The following GRIA1 variants were observed in gnomAD, a reference collection of about 807,000 sequenced individuals.
GRIA1 encodes glutamate ionotropic receptor AMPA type subunit 1, also known as glutamate receptor 1.
GRIA1 carries 31 observed loss-of-function variants against 99.2 expected under a neutral mutation model. The observed-to-expected ratio is 0.31, with a 90% confidence interval of 0.23 to 0.42. GRIA1 has a LOEUF of 0.42. GRIA1 is among the 10% of genes least tolerant of loss of function. The pLI is 1.00. For synonymous variants in GRIA1, 438 were observed against 432.4 expected, an observed-to-expected ratio of 1.01 and a Z score of -0.16; for missense variants, 782 against 1,157.5, an observed-to-expected ratio of 0.68 and a Z score of 4.71.
chr5:153,593,131 G>A (rs942996390), intron 2 of GRIA1, among the ~76,000 whole-genome samples: 12 of 152,154 alleles, frequency 7.9e-5, no homozygotes, highest in Non-Finnish European at 1.5e-5. Context: ...GCCTGGCTTG[G>A]TAACACATGC....
Position 153,493,958 on chromosome 5 carries a change from A to G in GRIA1, c.113A>G (p.Glu38Gly). Reference sequence around the variant, plus strand: ...TTATTTCCAAACCAGCAGTCACAGGAACATGCTGCTTTTAGATTTGCTTTG... The same window carrying G: ...TTATTTCCAAACCAGCAGTCACAGGGACATGCTGCTTTTAGATTTGCTTTG... ...GGLFPNQQSQ[E>G]HAAFRFALSQ... Residue 38 changes from glutamate to glycine, a missense_variant, in exon 2 of 16, where the codon GAA becomes GGA. Transcript: ENST00000285900. 2 of 1,614,078 alleles carry G rather than the reference A, an allele frequency of 1.2e-6. No individual in the cohort carries two copies. The highest frequency in any genetic ancestry group is 1.7e-6 in the Non-Finnish European group (2 of 1,179,938).
chr5:153,603,337 G>A (rs1366022298), intron 2 of GRIA1, among the ~76,000 whole-genome samples: 1 of 151,934 alleles, frequency 6.6e-6, no homozygotes, highest in Non-Finnish European at 1.5e-5. Flanking sequence ...GGACATTTGG[G>A]TTGGTTCCAA....
At chr5:153,760,191 C>T (rs1287261955) in intron 11 of GRIA1, among the ~76,000 whole-genome samples, 1 of 151,958 alleles carries the variant, frequency 6.6e-6, no homozygotes, top group Non-Finnish European at 1.5e-5. Flanking sequence ...GAAGTCCTAG[C>T]CTGAGCAATC....
intron 15 of GRIA1, among the ~76,000 whole-genome samples, chr5:153,807,585 G>A (rs952349721): frequency 1.3e-5 from 2 of 152,222 alleles, no homozygotes; most frequent in Non-Finnish European, 2.9e-5. Context: ...GGGGAAGAAG[G>A]CCAAGGAGAC....
chr5:153,641,221 G>T (rs1486203428), intron 2 of GRIA1, among the ~76,000 whole-genome samples: 2 of 152,094 alleles, frequency 1.3e-5, no homozygotes, highest in East Asian at 3.9e-4. Flanking sequence ...TTTACAATGA[G>T]GCTGCCACAT....
At chr5:153,648,045 G>A (rs1217295452) in intron 3 of GRIA1, among the ~76,000 whole-genome samples, 2 of 152,118 alleles carry the variant, frequency 1.3e-5, no homozygotes, top group African/African-American at 4.8e-5. Flanking sequence ...ACAAATAAAT[G>A]GGTCACGCAA....
At chr5:153,570,512 AATT>A (rs1457731662) in intron 2 of GRIA1, among the ~76,000 whole-genome samples, 2 of 152,198 alleles carry the variant, frequency 1.3e-5, no homozygotes, top group Non-Finnish European at 2.9e-5. Flanking sequence ...TTGAGGTGGC[AATT>A]ATTTTCTTGC....
chr5:153,532,392 T>C (rs1758172143), intron 2 of GRIA1, among the ~76,000 whole-genome samples: 3 of 152,214 alleles, frequency 2.0e-5, no homozygotes, highest in South Asian at 4.1e-4. Context: ...CTTGTTGTGA[T>C]TTAATATCTG....
At chr5:153,646,289 AGGGCT>A (rs10604138) in intron 2 of GRIA1, among the ~76,000 whole-genome samples, 82,825 of 151,466 alleles carry the variant, frequency 0.55, 23,339 homozygotes, top group Non-Finnish European at 0.59. Flanking sequence ...CTGAGAGTTA[AGGGCT>A]GGGCTAGACT....
rs763967433 is a variant in GRIA1 at position 153,686,275 on chromosome 5, C to T, written c.1080C>T (p.Arg360=). 6.2e-7 allele frequency: 1 copy of T among 1,613,884 alleles called. No individual in the cohort carries two copies. The highest frequency in any genetic ancestry group is 8.5e-7 in the Non-Finnish European group (1 of 1,179,898). Residue 360 remains arginine (R), a synonymous_variant, in exon 8 of 16, where the codon CGC becomes CGT. Transcript: ENST00000285900. ...TGNVQFNEKG[R]RTNYTLHVIE... is the part of the protein sequence containing the mutation. ...ACGTGCAGTTTAATGAGAAAGGACG[C>T]CGGACCAACTACACGCTCCACGTGA...
At chr5:153,780,841 C>A (rs1386196247) in intron 13 of GRIA1, among the ~76,000 whole-genome samples, 2 of 152,174 alleles carry the variant, frequency 1.3e-5, no homozygotes, top group African/African-American at 4.8e-5. Context: ...GTGGCAATTA[C>A]CTTCTCTGGG....
At chr5:153,808,886 C>T (rs970601865) in intron 15 of GRIA1, among the ~76,000 whole-genome samples, 9 of 152,190 alleles carry the variant, frequency 5.9e-5, no homozygotes, top group Non-Finnish European at 8.8e-5. Context: ...ATGTGACCTT[C>T]GAGATTTTTA....
At chr5:153,786,105 T>G (rs914129787) in intron 13 of GRIA1, among the ~76,000 whole-genome samples, 2 of 152,188 alleles carry the variant, frequency 1.3e-5, no homozygotes, top group African/African-American at 2.4e-5. Context: ...GATATACATT[T>G]GCTTAGAACT....
At position 153,699,038 on chromosome 5, in the gene GRIA1, G is replaced by A; in HGVS notation, c.1417G>A (p.Ala473Thr). The part of the protein sequence containing the change: ...KYGARDPDTK[A>T]WNGMVGELVY... ...CGGAGCCCGAGACCCTGACACGAAG[G>A]CCTGGAATGGCATGGTGGGAGAGCT... Residue 473 changes from alanine (A) to threonine (T), a missense_variant, in exon 10 of 16, where the codon GCC becomes ACC. Transcript: ENST00000285900. 1 of 1,613,984 alleles carries A rather than the reference G, an allele frequency of 6.2e-7. No homozygotes were observed. Among genetic ancestry groups the A allele is most frequent in the Non-Finnish European group, 8.5e-7 (1 of 1,179,912 alleles).
rs184702179 is a variant in GRIA1 at position 153,639,004 on chromosome 5, C to T, written c.221-7924C>T. ...TGAGTGTAGGCCCAGAGCCTACGGC[C>T]GAGAAACAACTGAAAAACAGCCACG... On this transcript the variant is annotated intron_variant, in intron 2 of 15. Coordinates refer to ENST00000285900, the MANE Select transcript of GRIA1 (RefSeq NM_000827.4). Among the ~76,000 whole-genome samples the T allele has an allele frequency of 2.4e-4, 36 of 152,270 alleles. No homozygotes were observed. The East Asian group carries it at 6.8e-3, about 29-fold the overall frequency.
At chr5:153,707,324 T>C (rs1758969528) in intron 11 of GRIA1, among the ~76,000 whole-genome samples, 1 of 151,926 alleles carries the variant, frequency 6.6e-6, no homozygotes, top group Admixed American at 6.6e-5. Context: ...AGAGAAAGGG[T>C]GGACAGGAGA....
At chr5:153,623,003 T>G (rs1327968691) in intron 2 of GRIA1, among the ~76,000 whole-genome samples, 2 of 152,056 alleles carry the variant, frequency 1.3e-5, no homozygotes, top group Non-Finnish European at 2.9e-5. Flanking sequence ...CACTTTAGAG[T>G]GGAGAAACAG....
At chr5:153,766,980 G>C (rs1763561641) in intron 12 of GRIA1, among the ~76,000 whole-genome samples, 1 of 152,160 alleles carries the variant, frequency 6.6e-6, no homozygotes, top group South Asian at 2.1e-4. Flanking sequence ...TGTAGTCCAT[G>C]TACTTACTTT....
At chr5:153,613,727 G>A (rs1216766444) in intron 2 of GRIA1, among the ~76,000 whole-genome samples, 2 of 150,454 alleles carry the variant, frequency 1.3e-5, no homozygotes, top group Non-Finnish European at 3.0e-5. Flanking sequence ...TTTTTTGTCA[G>A]CCATCATAGA....
Sources: gnomAD v4.1 joint callset for allele counts (sites outside exome capture counted in the v4.1 genomes callset) on GRCh38, gnomAD v4.1.1 for gene constraint, MANE v1.5 for transcripts, NCBI Gene and HGNC (gene_info 2026-07-23, HGNC 2026-07-21) for gene names.